Variants in TMEM182 observed in about 807,000 individuals in gnomAD.
TMEM182 encodes the protein transmembrane protein 182.
TMEM182 carries 20 observed loss-of-function variants against 26.8 expected under a neutral mutation model. The ratio of observed to expected loss-of-function variants is 0.75; its 90% CI spans 0.53 to 1.09. The LOEUF is 1.09. Among genes scored for constraint, TMEM182 ranks in the 50% least tolerant of loss-of-function variants. The probability of loss-of-function intolerance (pLI) is 0.00; values close to 1 mark genes in which losing one functional copy is unlikely to be tolerated. For missense variants in TMEM182, 277 were observed against 275.5 expected (o/e 1.01, Z -0.04); for synonymous variants, 109 against 102.2 (o/e 1.07, Z -0.40).
At chr2:102,778,258 G>A (rs996793094) in intron 3 of TMEM182, among the ~76,000 whole-genome samples, 2 of 151,762 alleles carry the variant, frequency 1.3e-5, no homozygotes, top group Non-Finnish European at 2.9e-5. Flanking sequence ...ATCAATATGT[G>A]ATGTTTTTAG....
intron 3 of TMEM182, among the ~76,000 whole-genome samples, chr2:102,828,990 G>T (rs1276803701): frequency 6.6e-6 from 1 of 152,194 alleles, no homozygotes; most frequent in Non-Finnish European, 1.5e-5. Context: ...CCCGTTTATG[G>T]TTATTTAGAA....
At chr2:102,810,789 A>G (rs1682528999) in intron 4 of TMEM182, among the ~76,000 whole-genome samples, 1 of 152,192 alleles carries the variant, frequency 6.6e-6, no homozygotes, top group African/African-American at 2.4e-5. Context: ...TTCCAAATGT[A>G]TGACCAAATT....
At chr2:102,781,773 G>T (rs190154322) in intron 3 of TMEM182, among the ~76,000 whole-genome samples, 1 of 152,144 alleles carries the variant, frequency 6.6e-6, no homozygotes, top group Admixed American at 6.5e-5. Flanking sequence ...GAGCAATGTA[G>T]AAAAACATTT....
At chr2:102,741,578 C>G (rs561298677) in intron 1 of TMEM182, among the ~76,000 whole-genome samples, 15 of 152,110 alleles carry the variant, frequency 9.9e-5, no homozygotes, top group Non-Finnish European at 1.5e-4. Context: ...TCTCCTCTAT[C>G]TTTGTTTCAT....
intron 1 of TMEM182, among the ~76,000 whole-genome samples, chr2:102,738,959 C>G (rs1188662390): frequency 6.6e-6 from 1 of 152,136 alleles, no homozygotes; most frequent in Admixed American, 6.5e-5. Context: ...AAGCCTAATA[C>G]TCAAATATAT....
downstream of TMEM182, among the ~76,000 whole-genome samples, chr2:102,821,222 C>T (rs1489576244): frequency 6.6e-6 from 1 of 152,168 alleles, no homozygotes; most frequent in Non-Finnish European, 1.5e-5. Context: ...TAAAATTAGG[C>T]TACTATGACC....
chr2:102,788,423 TG>T (rs2104709971), intron 3 of TMEM182, among the ~76,000 whole-genome samples: 1 of 152,156 alleles, frequency 6.6e-6, no homozygotes, highest in East Asian at 1.9e-4. Context: ...CCTGGTCCCC[TG>T]GGGTGGACAC....
At chr2:102,770,951 AG>A (rs764557883) in intron 3 of TMEM182, among the ~76,000 whole-genome samples, 25 of 152,300 alleles carry the variant, frequency 1.6e-4, no homozygotes, top group Non-Finnish European at 3.4e-4. Context: ...ATAATTTAGG[AG>A]GCACATCAAC....
intron 3 of TMEM182, chr2:102,843,325 C>T (rs1683388551): frequency 6.6e-6 from 1 of 152,326 alleles, no homozygotes; most frequent in Middle Eastern, 3.4e-3. Flanking sequence ...TCCAATCTAC[C>T]TAATCCATGT....
At chr2:102,783,309 A>G (rs904391126) in intron 3 of TMEM182, among the ~76,000 whole-genome samples, 2 of 152,224 alleles carry the variant, frequency 1.3e-5, no homozygotes. Context: ...TAGAAACTGG[A>G]AAGTTCAATG....
chr2:102,748,356 A>G (rs999886139), intron 1 of TMEM182, among the ~76,000 whole-genome samples: 2 of 152,140 alleles, frequency 1.3e-5, no homozygotes, highest in Non-Finnish European at 1.5e-5. Context: ...CATTGGTCCT[A>G]CTGCTCCTAA....
At chr2:102,788,366 CG>C (rs1681487666) in intron 3 of TMEM182, among the ~76,000 whole-genome samples, 1 of 152,146 alleles carries the variant, frequency 6.6e-6, no homozygotes, top group Admixed American at 6.5e-5. Flanking sequence ...GAGGGAGACG[CG>C]GGCAGGGGAG....
At chr2:102,754,663 A>G (rs1266241461) in intron 1 of TMEM182, among the ~76,000 whole-genome samples, 1 of 152,256 alleles carries the variant, frequency 6.6e-6, no homozygotes, top group Non-Finnish European at 1.5e-5. Flanking sequence ...TTTTTAAACA[A>G]AAGTAGACTA....
chr2:102,805,608 CA>C (rs1354381976), intron 4 of TMEM182, among the ~76,000 whole-genome samples: 3,093 of 141,794 alleles, frequency 0.022, 49 homozygotes, highest in African/African-American at 0.048. Flanking sequence ...ATCGTTCCCT[CA>C]AAAAAAAAAA....
chr2:102,797,933 C>G lies in TMEM182; in HGVS notation c.402C>G (p.Ile134Met). ...CTGTAGTCATCGCAAGCTTTTTGAT[C>G]ATCTGTGCAGCCCCCTTCGCCAGCC... The part of the protein sequence containing the change: ...VVAVVIASFL[I>M]ICAAPFASHF... Residue 134 changes from isoleucine (I) to methionine (M), a missense_variant, in exon 4 of 5, where the codon ATC becomes ATG. Coordinates refer to ENST00000412401, the MANE Select transcript of TMEM182 (RefSeq NM_144632.5). The G allele has an allele frequency of 6.2e-7, 1 of 1,614,084 alleles. No individual in the cohort carries two copies. Among genetic ancestry groups the G allele is most frequent in the Non-Finnish European group, 8.5e-7 (1 of 1,180,018 alleles).
At chr2:102,843,520 T>A (rs1369502266) in exon 4 of TMEM182, 1 of 152,274 alleles carries the variant, frequency 6.6e-6, no homozygotes, top group Non-Finnish European at 1.5e-5. Context: ...CAAGCCCTTA[T>A]GCCACTGCTG....
chr2:102,763,597 G>A (rs1224692006), intron 2 of TMEM182, among the ~76,000 whole-genome samples: 1 of 152,182 alleles, frequency 6.6e-6, no homozygotes, highest in Non-Finnish European at 1.5e-5. Context: ...GCGTTTTGAG[G>A]CAAGTACCTG....
chr2:102,827,989 G>A lies in TMEM182; in HGVS notation c.326-15423G>A, dbSNP rs778150281. Among the ~76,000 whole-genome samples the A allele has an allele frequency of 8.5e-4, 129 of 152,258 alleles. 2 individuals carry two copies. The highest frequency in any genetic ancestry group is 3.5e-3 in the Admixed American group (53 of 15,300). On this transcript the variant is annotated intron_variant, in intron 3 of 3. Coordinates refer to the TMEM182 transcript ENST00000486293. ...GCCTGTAATCCCAGCTGCTTGGGAG[G>A]CTGAGGCAGGAGAATCATCTGAACC...
At chr2:102,770,149 T>C (rs1680612782) in intron 3 of TMEM182, among the ~76,000 whole-genome samples, 1 of 152,034 alleles carries the variant, frequency 6.6e-6, no homozygotes, top group Non-Finnish European at 1.5e-5. Flanking sequence ...AGCCCACAAA[T>C]GAGGGAGAGA....
Sources: allele counts gnomAD v4.1 joint callset (sites outside exome capture counted in the v4.1 genomes callset), GRCh38; gene constraint gnomAD v4.1.1; transcripts MANE v1.5; gene names NCBI Gene and HGNC (gene_info 2026-07-23, HGNC 2026-07-21).